SLC15A2: variants seen among roughly 807,000 people sequenced by gnomAD.
SLC15A2 encodes solute carrier family 15 member 2.
SLC15A2 carries 77 observed loss-of-function variants against 95.5 expected under a neutral mutation model. That is an observed-to-expected ratio of 0.81 (90% confidence interval 0.67 to 0.97). SLC15A2 has a LOEUF of 0.97. SLC15A2 is among the 50% of genes least tolerant of loss of function. The probability of loss-of-function intolerance (pLI) is 0.00; values close to 1 mark genes in which losing one functional copy is unlikely to be tolerated. For missense variants in SLC15A2, 893 were observed against 874.4 expected (o/e 1.02, Z -0.27); for synonymous variants, 306 against 306.9 (o/e 1.00, Z 0.03).
intron 4 of SLC15A2, 31 bp from the exon 5 acceptor site, chr3:121,912,990 C>T (rs1219246283): frequency 6.6e-7 from 1 of 1,511,774 alleles, no homozygotes; most frequent in East Asian, 2.3e-5. Context: ...TTAGTATCAA[C>T]ATGGTTGGCA....
chr3:121,917,680 CCT>C (rs1709923832), intron 7 of SLC15A2, among the ~76,000 whole-genome samples: 1 of 151,610 alleles, frequency 6.6e-6, no homozygotes. Flanking sequence ...AGAGCAAGCC[CCT>C]GTCTCAAAAA....
chr3:121,906,820 T>A (rs1709657115), intron 3 of SLC15A2, among the ~76,000 whole-genome samples: 1 of 152,188 alleles, frequency 6.6e-6, no homozygotes, highest in Non-Finnish European at 1.5e-5. Context: ...CTTTGGTGAA[T>A]CTGACAATTA....
chr3:121,930,354 G>C (rs992740753), intron 17 of SLC15A2, among the ~76,000 whole-genome samples: 1 of 152,182 alleles, frequency 6.6e-6, no homozygotes, highest in African/African-American at 2.4e-5. Context: ...TCTGGGCTGG[G>C]AGTCTGAGTT....
At chr3:121,909,268 G>A (rs1011605535) in intron 3 of SLC15A2, among the ~76,000 whole-genome samples, 2 of 151,996 alleles carry the variant, frequency 1.3e-5, no homozygotes, top group Admixed American at 1.3e-4. Flanking sequence ...TCACTGTGTT[G>A]GCCAGGCTGG....
chr3:121,902,721 G>C (rs1255661050), intron 3 of SLC15A2, among the ~76,000 whole-genome samples: 2 of 152,154 alleles, frequency 1.3e-5, no homozygotes, highest in Non-Finnish European at 2.9e-5. Context: ...AGTATTCCAT[G>C]GTGTATATGT....
rs763950861 is a variant in SLC15A2, at chr3:121,896,433, A to G, written c.133A>G (p.Ser45Gly). 1 of 1,614,102 alleles carries G rather than the reference A, an allele frequency of 6.2e-7. No individual in the cohort carries two copies. The highest frequency in any genetic ancestry group is 8.5e-7 in the Non-Finnish European group (1 of 1,179,972). ...AATCTGTGGCTCCAACTATCCACTG[A>G]GCATTGCCTTCATTGTGGTGAATGA... Reference protein sequence around the residue: ...PTICGSNYPLSIAFIVVNEFC... With the variant: ...PTICGSNYPLGIAFIVVNEFC... Residue 45 changes from serine to glycine, a missense_variant, in exon 2 of 22, where the codon AGC becomes GGC. Ser to Gly is a moderately conservative substitution (Grantham distance 56). Coordinates refer to ENST00000489711, the MANE Select transcript of SLC15A2 (RefSeq NM_021082.4).
Position 121,896,421 on chromosome 3 carries a change from A to G in SLC15A2, c.121A>G (p.Asn41Asp), listed in dbSNP as rs766203192. ...KKPSPTICGS[N>D]YPLSIAFIVV... ...TGTTGAATAGACAATCTGTGGCTCC[A>G]ACTATCCACTGAGCATTGCCTTCAT... Residue 41 changes from asparagine to aspartate, a missense_variant, in exon 2 of 22, where the codon AAC becomes GAC. Transcript: ENST00000489711. 1.9e-6 allele frequency: 3 copies of G among 1,613,820 alleles called. No homozygotes were observed. In the South Asian group the frequency reaches 3.3e-5, roughly 18 times the overall value.
intron 3 of SLC15A2, among the ~76,000 whole-genome samples, chr3:121,906,951 A>G (rs577273389): frequency 3.3e-5 from 5 of 152,238 alleles, no homozygotes; most frequent in Non-Finnish European, 5.9e-5. Flanking sequence ...GTGTTTTCCA[A>G]CTTGGTTCCA....
intron 3 of SLC15A2, among the ~76,000 whole-genome samples, chr3:121,904,367 G>A (rs1004325916): frequency 6.6e-6 from 1 of 152,088 alleles, no homozygotes; most frequent in African/African-American, 2.4e-5. Context: ...AATTGCCCTG[G>A]CCAGAACTTC....
rs985767613 is a variant in SLC15A2 at position 121,941,734 on chromosome 3, A to G, written c.*727A>G. ...AGTAAACATTGTTCTGGAGAACAGG[A>G]ACAGGTGTAAGTTGTAGAAATCCTG... On this transcript the variant is annotated 3_prime_UTR_variant, in exon 22 of 22. Transcript: ENST00000489711. 2 of 152,248 alleles carry G rather than the reference A, an allele frequency of 1.3e-5. No homozygotes were observed. The highest frequency in any genetic ancestry group is 2.4e-5 in the African/African-American group (1 of 41,458). 9.4% of individuals were successfully genotyped at this position (152,248 alleles called of 1,614,324 possible).
At chr3:121,932,783 T>A (rs1351031087) in intron 19 of SLC15A2, among the ~76,000 whole-genome samples, 1 of 152,222 alleles carries the variant, frequency 6.6e-6, no homozygotes, top group African/African-American at 2.4e-5. Context: ...TATTATACTT[T>A]AAGTTTTAGG....
Position 121,897,453 on chromosome 3 carries a change from C to G in SLC15A2, c.259C>G (p.His87Asp). 1.2e-6 allele frequency: 2 copies of G among 1,614,022 alleles called. No individual in the cohort carries two copies. The highest frequency in any genetic ancestry group is 1.3e-5 in the African/African-American group (1 of 74,978). The change falls in exon 3 of 22, where the codon CAT becomes GAT. Residue 87 changes from histidine to aspartate, a missense_variant. Transcript: ENST00000489711. ...TGAAGATACCTCCACATCTATATAC[C>G]ATGCCTTCAGCAGCCTCTGTTATTT... ...WNEDTSTSIY[H>D]AFSSLCYFTP...
At chr3:121,922,731 G>A in intron 8 of SLC15A2, 44 bp from the exon 9 acceptor site, 1 of 1,447,922 alleles carries the variant, frequency 6.9e-7, no homozygotes. Flanking sequence ...GGCAGAGGAT[G>A]TTTTTCTCTT....
intron 19 of SLC15A2, among the ~76,000 whole-genome samples, chr3:121,935,738 G>T (rs1710330805): frequency 6.6e-6 from 1 of 151,822 alleles, no homozygotes; most frequent in African/African-American, 2.4e-5. Flanking sequence ...TTAATTTTTT[G>T]AAGGGTTTTT....
intron 4 of SLC15A2, among the ~76,000 whole-genome samples, chr3:121,912,687 T>C (rs889714007): frequency 3.9e-5 from 6 of 152,206 alleles, no homozygotes; most frequent in East Asian, 1.9e-4. Context: ...GAAGTACTCC[T>C]TTGACCAAAA....
intron 3 of SLC15A2, among the ~76,000 whole-genome samples, chr3:121,907,181 C>A (rs935791078): frequency 6.6e-6 from 1 of 151,248 alleles, no homozygotes; most frequent in African/African-American, 2.4e-5. Flanking sequence ...AGTTCTCGTG[C>A]CATGGTTTTC....
intron 3 of SLC15A2, among the ~76,000 whole-genome samples, chr3:121,903,585 T>C (rs56287664): frequency 0.45 from 67,708 of 151,618 alleles, 15,611 homozygotes; most frequent in East Asian, 0.69. Flanking sequence ...CCAGTTTTCC[T>C]AGCACCATTT....
intron 19 of SLC15A2, among the ~76,000 whole-genome samples, chr3:121,934,263 T>C (rs1445447038): frequency 6.6e-6 from 1 of 152,250 alleles, no homozygotes; most frequent in Non-Finnish European, 1.5e-5. Flanking sequence ...TTTGGTTCCA[T>C]ATGAACTGTA....
chr3:121,925,446 G>C (rs944153945), intron 13 of SLC15A2, among the ~76,000 whole-genome samples: 1 of 151,798 alleles, frequency 6.6e-6, no homozygotes, highest in Admixed American at 6.6e-5. Context: ...AGTAGGACTG[G>C]GGACTGAATT....
Sources: gnomAD v4.1 joint callset for allele counts (sites outside exome capture counted in the v4.1 genomes callset) on GRCh38, gnomAD v4.1.1 for gene constraint, MANE v1.5 for transcripts, NCBI Gene and HGNC (gene_info 2026-07-23, HGNC 2026-07-21) for gene names.